The following NRXN3 variants were observed in gnomAD, a reference collection of about 807,000 sequenced individuals.
NRXN3 encodes neurexin 3.
NRXN3 carries 32 observed loss-of-function variants against 137.6 expected under a neutral mutation model. The observed-to-expected ratio is 0.23, with a 90% confidence interval of 0.18 to 0.31. NRXN3 has a LOEUF of 0.31. Among genes scored for constraint, NRXN3 ranks in the 10% least tolerant of loss-of-function variants. NRXN3 has a pLI of 1.00. For synonymous variants in NRXN3, 798 were observed against 784.5 expected, an observed-to-expected ratio of 1.02 and a Z score of -0.29; for missense variants, 1,574 against 2,062.5, an observed-to-expected ratio of 0.76 and a Z score of 4.59.
chr14:79,317,358 C>T (rs1160638762), intron 15 of NRXN3, among the ~76,000 whole-genome samples: 1 of 152,212 alleles, frequency 6.6e-6, no homozygotes, highest in Non-Finnish European at 1.5e-5. Flanking sequence ...TGGTTTGCAG[C>T]TGCAGCACTT....
chr14:78,293,883 A>G (rs1046546280), intron 3 of NRXN3, among the ~76,000 whole-genome samples: 1 of 152,164 alleles, frequency 6.6e-6, no homozygotes, highest in African/African-American at 2.4e-5. Flanking sequence ...TTACGTCTCA[A>G]CCATGTACCT....
chr14:79,503,209 T>A (rs971755012), intron 16 of NRXN3, among the ~76,000 whole-genome samples: 2 of 152,242 alleles, frequency 1.3e-5, no homozygotes, highest in South Asian at 2.1e-4. Flanking sequence ...ATTTCTGTTT[T>A]GTATATCTTG....
chr14:78,662,343 C>T (rs1383856620), intron 6 of NRXN3, among the ~76,000 whole-genome samples: 2 of 151,842 alleles, frequency 1.3e-5, no homozygotes, highest in Admixed American at 1.3e-4. Context: ...GATGCCTGTG[C>T]CCAAGGTTTG....
intron 15 of NRXN3, among the ~76,000 whole-genome samples, chr14:79,111,928 T>G (rs2053600548): frequency 6.6e-6 from 1 of 152,158 alleles, no homozygotes. Flanking sequence ...CTCAACAACC[T>G]GTTATCCATA....
chr14:79,767,842 G>A (rs1390155637), intron 19 of NRXN3, among the ~76,000 whole-genome samples: 1 of 152,182 alleles, frequency 6.6e-6, no homozygotes, highest in African/African-American at 2.4e-5. Flanking sequence ...GGTGATTTCT[G>A]CATTTCCATC....
At chr14:78,554,898 A>G (rs1375143841) in intron 4 of NRXN3, among the ~76,000 whole-genome samples, 1 of 152,110 alleles carries the variant, frequency 6.6e-6, no homozygotes, top group Admixed American at 6.5e-5. Context: ...CCTCTGTCCT[A>G]GCCATCCACC....
chr14:78,923,342 C>T (rs779654021), intron 10 of NRXN3, among the ~76,000 whole-genome samples: 21 of 152,184 alleles, frequency 1.4e-4, no homozygotes, highest in Non-Finnish European at 2.9e-4. Context: ...ATCTTCTGAA[C>T]AGCTGCTTTG....
Position 79,750,192 on chromosome 14 carries a change from G to T in NRXN3, c.4014+52255G>T, listed in dbSNP as rs116466872. On this transcript the variant is annotated intron_variant, in intron 19 of 20. Coordinates refer to ENST00000335750, the MANE Select transcript of NRXN3 (RefSeq NM_001330195.2). ...ATTAGTACTTAGGGTTGGTTGGAGA[G>T]TAAGAATAGGGACTCAGCCTAGTTG... Among the ~76,000 whole-genome samples, 1,171 of 152,248 alleles carry T rather than the reference G, an allele frequency of 7.7e-3. 12 individuals carry two copies. Among genetic ancestry groups the T allele is most frequent in the African/African-American group, 0.027 (1,126 of 41,550 alleles).
At chr14:78,952,865 C>T (rs967368712) in intron 10 of NRXN3, among the ~76,000 whole-genome samples, 2 of 152,150 alleles carry the variant, frequency 1.3e-5, no homozygotes, top group Non-Finnish European at 2.9e-5. Context: ...TCCCCAACCT[C>T]CACCCAAGCA....
intron 16 of NRXN3, among the ~76,000 whole-genome samples, chr14:79,514,464 C>T (rs925735759): frequency 1.1e-4 from 16 of 152,082 alleles, no homozygotes; most frequent in Admixed American, 5.9e-4. Flanking sequence ...CCATTATTAC[C>T]TGATCCTGCT....
At chr14:79,546,697 G>A (rs1449952010) in intron 16 of NRXN3, among the ~76,000 whole-genome samples, 1 of 152,176 alleles carries the variant, frequency 6.6e-6, no homozygotes, top group Non-Finnish European at 1.5e-5. Context: ...AGCGCAAGTG[G>A]TGGATAGATT....
At chr14:79,072,885 T>TA (rs2099689812) in intron 15 of NRXN3, among the ~76,000 whole-genome samples, 1 of 93,122 alleles carries the variant, frequency 1.1e-5, no homozygotes, top group Admixed American at 1.0e-4. Context: ...TCTCTCTCTC[T>TA]CTTTTTTTTT....
intron 10 of NRXN3, among the ~76,000 whole-genome samples, chr14:78,915,862 A>G (rs547929057): frequency 6.6e-6 from 1 of 152,172 alleles, no homozygotes; most frequent in Non-Finnish European, 1.5e-5. Flanking sequence ...CCAAGACAAG[A>G]CACTCAAGAG....
intron 8 of NRXN3, among the ~76,000 whole-genome samples, chr14:78,755,948 T>C (rs770889941): frequency 7.9e-5 from 12 of 152,178 alleles, no homozygotes; most frequent in African/African-American, 2.7e-4. Flanking sequence ...AATAATCAAA[T>C]TAGTACCAAA....
chr14:78,752,073 TTG>T (rs2098645346), intron 8 of NRXN3, among the ~76,000 whole-genome samples: 1 of 152,192 alleles, frequency 6.6e-6, no homozygotes. Context: ...TCCTTGGGAA[TTG>T]TGTTTGTCCT....
chr14:78,336,917 G>A (rs1158529249), intron 4 of NRXN3, among the ~76,000 whole-genome samples: 1 of 152,146 alleles, frequency 6.6e-6, no homozygotes, highest in East Asian at 1.9e-4. Context: ...ATGGGTCTCT[G>A]TTGCTCCTTG....
Position 78,691,986 on chromosome 14 carries a change from A to G in NRXN3, c.1222-17231A>G, listed in dbSNP as rs1315635710. ...TGATGACACGGGGTTAGTGCTATAG[A>G]AGTTCCCAGAAAGGTGTTTGAAAAC... On this transcript the variant is annotated intron_variant, in intron 6 of 20. Transcript: ENST00000335750. Among the ~76,000 whole-genome samples, 3 of 152,308 alleles carry G rather than the reference A, an allele frequency of 2.0e-5. No individual in the cohort carries two copies. The East Asian group carries it at 5.8e-4, about 29-fold the overall frequency.
intron 1 of NRXN3, among the ~76,000 whole-genome samples, chr14:78,219,159 G>T (rs1351945777): frequency 4.7e-5 from 2 of 42,180 alleles, no homozygotes; most frequent in Non-Finnish European, 1.0e-4. Context: ...TTTGGTGGGA[G>T]GGGGGATGCA....
intron 19 of NRXN3, among the ~76,000 whole-genome samples, chr14:79,726,265 C>T (rs918835646): frequency 2.0e-5 from 3 of 152,078 alleles, no homozygotes; most frequent in South Asian, 2.1e-4. Context: ...TGTTTCTCTC[C>T]GATTTAGTTG....
Sources: allele counts gnomAD v4.1 joint callset (sites outside exome capture counted in the v4.1 genomes callset), GRCh38; gene constraint gnomAD v4.1.1; transcripts MANE v1.5; gene names NCBI Gene and HGNC (gene_info 2026-07-23, HGNC 2026-07-21).